Variants in POLR2C observed in about 807,000 individuals in gnomAD.
POLR2C encodes the protein RNA polymerase II subunit C.
In POLR2C, 36 loss-of-function variants were observed where a neutral mutation model predicts 41.7. The ratio of observed to expected loss-of-function variants is 0.86; its 90% CI spans 0.66 to 1.14. The LOEUF (loss-of-function observed/expected upper bound fraction) is 1.14, where lower values mean the gene tolerates loss of function less well. Ranked by LOEUF, POLR2C falls within the 50% of genes most tolerant of loss-of-function variation. The probability of loss-of-function intolerance (pLI) is 0.00; values close to 1 mark genes in which losing one functional copy is unlikely to be tolerated. For synonymous variants in POLR2C, 133 were observed against 137.8 expected, an observed-to-expected ratio of 0.96 and a Z score of 0.25; for missense variants, 260 against 350.4, an observed-to-expected ratio of 0.74 and a Z score of 2.06.
intron 1 of POLR2C, 30 bp downstream of exon 1, chr16:57,462,840 C>T (rs1480468830): frequency 6.5e-7 from 1 of 1,537,780 alleles, no homozygotes. Context: ...AGGCTGGCGG[C>T]TCTGGGGCGC....
At chr16:57,470,204 G>T in intron 7 of POLR2C, 75 bp downstream of exon 7, 1 of 1,594,346 alleles carries the variant, frequency 6.3e-7, no homozygotes, top group Non-Finnish European at 8.6e-7. Flanking sequence ...TGACTGAGAT[G>T]TGGCAGGCTC....
intron 4 of POLR2C, 101 bp downstream of exon 4, chr16:57,466,328 A>G: frequency 1.3e-6 from 1 of 781,648 alleles, no homozygotes; most frequent in Non-Finnish European, 2.2e-6. Context: ...ATACTGTTGT[A>G]GTTCTGGAAC....
chr16:57,465,243 C>T (rs1336812471), intron 2 of POLR2C, among the ~76,000 whole-genome samples: 10 of 152,086 alleles, frequency 6.6e-5, no homozygotes, highest in African/African-American at 2.2e-4. Context: ...AGGGGGAGGT[C>T]CTCTTCCGAC....
intron 2 of POLR2C, among the ~76,000 whole-genome samples, chr16:57,464,869 G>A (rs1235383531): frequency 2.0e-5 from 3 of 152,094 alleles, no homozygotes; most frequent in Non-Finnish European, 4.4e-5. Context: ...CCCATGCTAG[G>A]AATACAAAGA....
chr16:57,470,365 G>T lies in POLR2C; in HGVS notation c.683+11G>T. The T allele has an allele frequency of 6.3e-7, 1 of 1,587,430 alleles. No individual in the cohort carries two copies. Among genetic ancestry groups the T allele is most frequent in the South Asian group, 1.1e-5 (1 of 88,176 alleles). On this transcript the variant is annotated intron_variant, in intron 8 of 8. Transcript: ENST00000219252. ...CGGCAAGCCAGAAAGGTAAGAGCCT[G>T]GTTGGACATGGGAAGGTGAAGTGTG...
rs1351026243 is a variant in POLR2C, at chr16:57,469,141, T to C, written c.259-24T>C. The C allele has an allele frequency of 1.2e-6, 2 of 1,604,852 alleles. No individual in the cohort carries two copies. The highest frequency in any genetic ancestry group is 2.2e-5 in the East Asian group (1 of 44,650). On this transcript the variant is annotated intron_variant, in intron 4 of 8. Transcript: ENST00000219252. This position sits in a 1 kb window ranked among gnomAD's most constrained non-coding sequence, Gnocchi z 5.8. ...GGAGTTGCCATCTCCCTTTGACTCA[T>C]TCCTGCTTCCCTTCCTGCCTTAGGA...
At position 57,469,495 on chromosome 16, in the gene POLR2C, C is replaced by T; in HGVS notation, c.387+202C>T. The T allele has an allele frequency of 1.4e-6, 1 of 725,796 alleles. No homozygotes were observed. The allele number at this position is 725,796 out of a possible 1,614,324, so 45.0% of individuals were successfully genotyped here. ...TTGGTGCTGCGCACCCTCTATCACC[C>T]AGGGACTCTTTTAAAGGCCATGGAA... On this transcript the variant is annotated intron_variant, in intron 5 of 8. Transcript: ENST00000219252. The surrounding 1 kb of genome is among the most constrained non-coding windows in gnomAD (Gnocchi z 5.8).
chr16:57,463,613 C>T (rs1420178495), intron 2 of POLR2C: 9 of 453,668 alleles, frequency 2.0e-5, no homozygotes, highest in South Asian at 1.1e-4. Context: ...GTTTTAGCTC[C>T]CATGCGGTGT....
chr16:57,463,082 A>G lies in POLR2C; in HGVS notation c.136+4A>G. On this transcript the variant is annotated splice_donor_region_variant and intron_variant, in intron 2 of 8. Transcript: ENST00000219252. ...ATCGCTGAGGTTCCCATAATAGGTAAGCGACTCCCCTTCCTCGTTCCCGCG... is the reference window on the plus strand; with the variant it reads ...ATCGCTGAGGTTCCCATAATAGGTAGGCGACTCCCCTTCCTCGTTCCCGCG... 2.5e-6 allele frequency: 4 copies of G among 1,599,490 alleles called. No homozygotes were observed. Among genetic ancestry groups the G allele is most frequent in the Non-Finnish European group, 2.6e-6 (3 of 1,168,798 alleles).
In POLR2C at chr16:57,463,023, T is replaced by C. The variant is rs1192633988; in HGVS notation, c.87-6T>C. On this transcript the variant is annotated splice_region_variant and splice_polypyrimidine_tract_variant and intron_variant, in intron 1 of 8. Coordinates refer to ENST00000219252, the MANE Select transcript of POLR2C (RefSeq NM_032940.3). ...CCTTCACGCCCCTTGGCTTTTGATCTTTCAGGGTGGCCAATTCGATTCGGA... is the reference window on the plus strand; with the variant it reads ...CCTTCACGCCCCTTGGCTTTTGATCCTTCAGGGTGGCCAATTCGATTCGGA... 6.2e-7 allele frequency: 1 copy of C among 1,611,988 alleles called. No homozygotes were observed.
In POLR2C at chr16:57,462,684, C is replaced by G; in HGVS notation, c.-41C>G. On this transcript the variant is annotated 5_prime_UTR_variant, in exon 1 of 9. Coordinates refer to ENST00000219252, the MANE Select transcript of POLR2C (RefSeq NM_032940.3). ...GGTGTTGGCGGTGGCGCCGCGCAGT[C>G]ACCGCGGAGCAGACGCGGAGGCTGG... 1 of 1,490,340 alleles carries G rather than the reference C, an allele frequency of 6.7e-7. No individual in the cohort carries two copies. The highest frequency in any genetic ancestry group is 1.2e-5 in the South Asian group (1 of 83,652). The allele number at this position is 1,490,340 out of a possible 1,614,324, so 92.3% of individuals were successfully genotyped here.
rs774680155 is a variant in POLR2C, at chr16:57,462,828, A to G, written c.86+18A>G. The G allele has an allele frequency of 2.6e-6, 4 of 1,555,082 alleles. No individual in the cohort carries two copies. The highest frequency in any genetic ancestry group is 3.5e-6 in the Non-Finnish European group (4 of 1,145,504). ...GACCTGGCGTAAGGCTACCGAGGGA[A>G]GAGGCTGGCGGCTCTGGGGCGCCGG... is the stretch of plus-strand genomic sequence containing the variant. On this transcript the variant is annotated intron_variant, in intron 1 of 8. Transcript: ENST00000219252.
intron 4 of POLR2C, among the ~76,000 whole-genome samples, chr16:57,467,119 G>C (rs1188655479): frequency 6.6e-6 from 1 of 152,086 alleles, no homozygotes; most frequent in Non-Finnish European, 1.5e-5. Flanking sequence ...AGTAGTCCCA[G>C]CTACTCGGGA....
chr16:57,469,690 G>A lies in POLR2C; in HGVS notation c.388-20G>A, dbSNP rs776134899. 6.2e-7 allele frequency: 1 copy of A among 1,606,090 alleles called. No homozygotes were observed. Among genetic ancestry groups the A allele is most frequent in the African/African-American group, 1.4e-5 (1 of 73,196 alleles). ...CTGGGGAGGTGAGCAGCTAATGAAT[G>A]CCTGGTGGACTCCCTACAGGTGACA... On this transcript the variant is annotated intron_variant, in intron 5 of 8. Transcript: ENST00000219252. The surrounding 1 kb of genome is among the most constrained non-coding windows in gnomAD (Gnocchi z 5.8).
Position 57,462,955 on chromosome 16 carries a change from T to C in POLR2C, c.87-74T>C, listed in dbSNP as rs185128709. Reference sequence around the variant, plus strand: ...GCCCCCCTGCACCAGGGCTTTAGCTTTGGGAGCCTGCGGCGCGGGCCCAGC... The same window carrying C: ...GCCCCCCTGCACCAGGGCTTTAGCTCTGGGAGCCTGCGGCGCGGGCCCAGC... On this transcript the variant is annotated intron_variant, in intron 1 of 8. Transcript: ENST00000219252. 1.2e-4 allele frequency: 161 copies of C among 1,324,858 alleles called. No homozygotes were observed. In the Admixed American group the frequency reaches 1.6e-3, roughly 13 times the overall value. 82.1% of individuals were successfully genotyped at this position (1,324,858 alleles called of 1,614,324 possible). A position where few individuals can be genotyped will look rare whatever the true frequency, so the allele number is the denominator to read the frequency against.
At chr16:57,462,852 G>C (rs930363344) in intron 1 of POLR2C, 42 bp downstream of exon 1, 12 of 1,510,722 alleles carry the variant, frequency 7.9e-6, no homozygotes, top group Non-Finnish European at 1.0e-5. Context: ...CTGGGGCGCC[G>C]GGAGGCCCAA....
intron 2 of POLR2C, among the ~76,000 whole-genome samples, chr16:57,465,457 C>T (rs2030683027): frequency 6.6e-6 from 1 of 152,194 alleles, no homozygotes; most frequent in Non-Finnish European, 1.5e-5. Flanking sequence ...ATACTTTGCG[C>T]ATTAAAAGAA....
chr16:57,469,725 C>T lies in POLR2C; in HGVS notation c.403C>T (p.Arg135Ter). 5 of 1,613,982 alleles carry T rather than the reference C, an allele frequency of 3.1e-6. No individual in the cohort carries two copies. The highest frequency in any genetic ancestry group is 1.1e-5 in the South Asian group (1 of 91,084). ...CTCCCTACAGGTGACATCCCGGAAC[C>T]GAGATAATGACCCCAATGACTACGT... ...PRVIPVTSRN[R>*]DNDPNDYVEQ... is the part of the protein sequence containing the mutation. The change falls in exon 6 of 9, where the codon CGA (arginine) becomes TGA (stop). Residue 135 changes from arginine (R) to a stop codon, truncating the protein, a stop_gained. Transcript: ENST00000219252. LOFTEE classifies it high-confidence loss of function. The surrounding 1 kb of genome is among the most constrained non-coding windows in gnomAD (Gnocchi z 5.8).
intron 2 of POLR2C, among the ~76,000 whole-genome samples, chr16:57,465,251 G>T (rs117952011): frequency 0.011 from 1,703 of 152,264 alleles, 7 homozygotes; most frequent in Non-Finnish European, 0.019. Context: ...GTCCTCTTCC[G>T]ACCGCTGTTC....
Sources: allele counts gnomAD v4.1 joint callset (sites outside exome capture counted in the v4.1 genomes callset), GRCh38; gene constraint gnomAD v4.1.1; non-coding constraint Gnocchi (gnomAD v3.1); transcripts MANE v1.5; gene names NCBI Gene and HGNC (gene_info 2026-07-23, HGNC 2026-07-21).